The following GPR179 variants were observed in gnomAD, a reference collection of about 807,000 sequenced individuals.
GPR179 encodes the protein probable G protein-coupled receptor 179.
GPR179 carries 52 observed loss-of-function variants against 70.8 expected under a neutral mutation model. That is an observed-to-expected ratio of 0.73 (90% CI 0.59 to 0.93). The LOEUF (loss-of-function observed/expected upper bound fraction) is 0.93, where lower values mean the gene tolerates loss of function less well. Among genes scored for constraint, GPR179 ranks in the 40% least tolerant of loss-of-function variants. The probability of loss-of-function intolerance (pLI) is 0.00; values close to 1 mark genes in which losing one functional copy is unlikely to be tolerated. For missense variants in GPR179, 2,734 were observed against 2,966.8 expected, an observed-to-expected ratio of 0.92 and a Z score of 1.82; for synonymous variants, 1,123 against 1,169.0, an observed-to-expected ratio of 0.96 and a Z score of 0.80.
At chr17:38,335,449 A>G in intron 6 of GPR179, 142 bp downstream of exon 6, 1 of 766,306 alleles carries the variant, frequency 1.3e-6, no homozygotes, top group Non-Finnish European at 2.2e-6. Context: ...ATGGAAGACA[A>G]GGCTATGGTG....
chr17:38,333,119 A>T, intron 10 of GPR179, 132 bp downstream of exon 10: 1 of 755,414 alleles, frequency 1.3e-6, no homozygotes. Flanking sequence ...AGGCCAGTGG[A>T]GAAGGGAGAG....
Position 38,328,244 on chromosome 17 carries a change from A to G in GPR179, c.5325T>C (p.His1775=). 1 of 1,613,770 alleles carries G rather than the reference A, an allele frequency of 6.2e-7. No individual in the cohort carries two copies. The change falls in exon 11 of 11, where the codon CAT becomes CAC. Residue 1775 remains histidine, a synonymous_variant. Coordinates refer to ENST00000616987, the MANE Select transcript of GPR179 (RefSeq NM_001004334.4). ...GSVGPGACSQ[H]PGTLDADGPK... Reference sequence around the variant, plus strand: ...GTCCATCAGCATCTAGAGTACCTGGATGCTGAGAACAGGCCCCTGGACCCA... The same window carrying G: ...GTCCATCAGCATCTAGAGTACCTGGGTGCTGAGAACAGGCCCCTGGACCCA...
At chr17:38,335,857 T>C (rs1327276547) in intron 5 of GPR179, among the ~76,000 whole-genome samples, 157 bp from the exon 6 acceptor site, 3 of 152,182 alleles carry the variant, frequency 2.0e-5, no homozygotes, top group African/African-American at 7.2e-5. Flanking sequence ...AGAAGTTAGG[T>C]AACTTGCCCT....
chr17:38,326,987 C>T lies in GPR179; in HGVS notation c.6582G>A (p.Leu2194=), dbSNP rs1247837777. The T allele has an allele frequency of 1.2e-6, 2 of 1,614,138 alleles. No individual in the cohort carries two copies. The highest frequency in any genetic ancestry group is 8.5e-7 in the Non-Finnish European group (1 of 1,180,048). The stretch of plus-strand genomic sequence containing the variant: ...CTGGGTCCAGGGCACCTGACTGGGG[C>T]AAGAGCCCTCCTGAGCCTGTGCCTT... ...PGEGTGSGGL[L]PQSGALDPEL... The change falls in exon 11 of 11, where the codon TTG becomes TTA. Residue 2194 remains leucine (L), a synonymous_variant. Transcript: ENST00000616987.
At chr17:38,339,372 G>A (rs1463832627) in intron 2 of GPR179, 45 bp downstream of exon 2, 6 of 1,236,288 alleles carry the variant, frequency 4.9e-6, no homozygotes, top group East Asian at 2.4e-5. Context: ...GAAAAGGGGA[G>A]GGAGGCAGGA....
Position 38,330,173 on chromosome 17 carries a change from T to G in GPR179, c.3396A>C (p.Leu1132=). 6.4e-7 allele frequency: 1 copy of G among 1,574,120 alleles called. No individual in the cohort carries two copies. Among genetic ancestry groups the G allele is most frequent in the Middle Eastern group, 1.7e-4 (1 of 5,816 alleles). Residue 1132 remains leucine, a synonymous_variant, in exon 11 of 11, where the codon CTA becomes CTC. Transcript: ENST00000616987. ...SMGAPSRSPR[L]GRPKAVSKQA... ...GCTTACTCACCGCCTTGGGCCGGCC[T>G]AGCCTGGGCGATCGGGAGGGTGCCC...
intron 10 of GPR179, among the ~76,000 whole-genome samples, chr17:38,332,240 G>A (rs2037366426): frequency 6.6e-6 from 1 of 152,150 alleles, no homozygotes; most frequent in African/African-American, 2.4e-5. Context: ...TTGTGGGCCT[G>A]TAAACAAGTC....
chr17:38,335,818 A>G, intron 5 of GPR179, 118 bp from the exon 6 acceptor site: 1 of 720,808 alleles, frequency 1.4e-6, no homozygotes, highest in Admixed American at 2.2e-5. Context: ...CACCACCTTC[A>G]TTCTGCAGAG....
chr17:38,333,467 C>T (rs774762757), intron 9 of GPR179, 70 bp from the exon 10 acceptor site: 15 of 1,463,730 alleles, frequency 1.0e-5, no homozygotes, highest in Non-Finnish European at 1.3e-5. Flanking sequence ...ACTCACCTGC[C>T]CTGTGGAATG....
rs2037285556 is a variant in GPR179 at position 38,326,401 on chromosome 17, G to A, written c.*64C>T. The A allele has an allele frequency of 1.6e-6, 2 of 1,269,412 alleles. No individual in the cohort carries two copies. The highest frequency in any genetic ancestry group is 4.3e-5 in the Admixed American group (2 of 46,586). 78.6% of individuals were successfully genotyped at this position (1,269,412 alleles called of 1,614,324 possible). ...TTGATTCAGCTCTTTGGGAACACCT[G>A]GACTTGGAAAGGGCCTTGGCTCCTG... On this transcript the variant is annotated 3_prime_UTR_variant, in exon 11 of 11. Coordinates refer to ENST00000616987, the MANE Select transcript of GPR179 (RefSeq NM_001004334.4).
Position 38,328,262 on chromosome 17 carries a change from T to G in GPR179, c.5307A>C (p.Pro1769=). 6.2e-7 allele frequency: 1 copy of G among 1,613,916 alleles called. No homozygotes were observed. Among genetic ancestry groups the G allele is most frequent in the Non-Finnish European group, 8.5e-7 (1 of 1,180,028 alleles). Reference sequence around the variant, plus strand: ...TACCTGGATGCTGAGAACAGGCCCCTGGACCCACACTCCCCCAGGGACAAG... The same window carrying G: ...TACCTGGATGCTGAGAACAGGCCCCGGGACCCACACTCCCCCAGGGACAAG... ...EVACPWGSVG[P]GACSQHPGTL... is the part of the protein sequence containing the mutation. Residue 1769 remains proline, a synonymous_variant, in exon 11 of 11, where the codon CCA becomes CCC. Transcript: ENST00000616987.
chr17:38,339,574 G>A lies in GPR179; in HGVS notation c.795-49C>T, dbSNP rs764018026. 7 of 1,325,222 alleles carry A rather than the reference G, an allele frequency of 5.3e-6. No individual in the cohort carries two copies. The African/African-American group carries it at 5.8e-5, about 11-fold the overall frequency. 82.1% of individuals were successfully genotyped at this position (1,325,222 alleles called of 1,614,324 possible). ...GGGGCACAGTGATTGATGCCAAAGT[G>A]GACGTGTGTCCCTGGGCGTTGTTGG... On this transcript the variant is annotated intron_variant, in intron 1 of 10. Transcript: ENST00000616987.
At position 38,335,151 on chromosome 17, in the gene GPR179, G is replaced by A. The variant is rs764537462; in HGVS notation, c.1527C>T (p.Thr509=). Residue 509 remains threonine, a synonymous_variant, in exon 7 of 11, where the codon ACC becomes ACT. Transcript: ENST00000616987. The stretch of plus-strand genomic sequence containing the variant: ...GGATGCCTCGCTCCAGGGCGCCCAC[G>A]GTCCACACAGCCAGGAAGCCCAGCA... The part of the protein sequence containing the change: ...LPVLGFLAVW[T]VGALERGIQH... The A allele has an allele frequency of 1.4e-5, 22 of 1,588,630 alleles. No individual in the cohort carries two copies. The highest frequency in any genetic ancestry group is 1.7e-4 in the Middle Eastern group (1 of 6,046).
chr17:38,330,628 C>T lies in GPR179; in HGVS notation c.2941G>A (p.Val981Ile). ...AGTAAGTTGGGGCTTTGTGGGGATA[C>T]TGGGACTGGTGCCAGGGCAGGGGCT... is the stretch of plus-strand genomic sequence containing the variant. The part of the protein sequence containing the change: ...TPAPALAPVP[V>I]SPQSPNLLTY... Residue 981 changes from valine to isoleucine, a missense_variant, in exon 11 of 11, where the codon GTA becomes ATA. By Grantham distance (29) the Val-to-Ile change is conservative. Transcript: ENST00000616987. 3 of 1,585,052 alleles carry T rather than the reference C, an allele frequency of 1.9e-6. No homozygotes were observed. The highest frequency in any genetic ancestry group is 1.7e-6 in the Non-Finnish European group (2 of 1,165,250).
rs200666728 is a variant in GPR179 at position 38,328,744 on chromosome 17, G to A, written c.4825C>T (p.Gln1609Ter). 84 of 1,613,014 alleles carry A rather than the reference G, an allele frequency of 5.2e-5. No individual in the cohort carries two copies. The highest frequency in any genetic ancestry group is 4.2e-6 in the Non-Finnish European group (5 of 1,179,720). ...TGAGATTCTCCTCCTCTTGGCACCT[G>A]TGCTGATGTCCATTCCTCTCTTGTT... is the stretch of plus-strand genomic sequence containing the variant. ...ERTREEWTSA[Q>*]VPRGGESQKD... The change falls in exon 11 of 11, where the codon CAG becomes TAG. Residue 1609 changes from glutamine (Q) to a stop codon, truncating the protein, a stop_gained. Transcript: ENST00000616987. LOFTEE classifies it low-confidence loss of function (END_TRUNC).
Position 38,331,471 on chromosome 17 carries a change from T to A in GPR179, c.2098A>T (p.Asn700Tyr), listed in dbSNP as rs1457122535. 1.2e-6 allele frequency: 2 copies of A among 1,614,012 alleles called. No homozygotes were observed. The highest frequency in any genetic ancestry group is 2.2e-5 in the South Asian group (2 of 91,040). The change falls in exon 11 of 11, where the codon AAC becomes TAC. Residue 700 changes from asparagine (N) to tyrosine (Y), a missense_variant. Coordinates refer to ENST00000616987, the MANE Select transcript of GPR179 (RefSeq NM_001004334.4). ...EVHKTKEMAA[N>Y]NPHLPKKRGS... ...CGCTTCTTGGGCAGGTGGGGGTTGT[T>A]TGCGGCCATTTCCTTGGTTTTGTGG...
chr17:38,329,274 C>T lies in GPR179; in HGVS notation c.4295G>A (p.Ser1432Asn). 2 of 1,613,530 alleles carry T rather than the reference C, an allele frequency of 1.2e-6. No individual in the cohort carries two copies. The highest frequency in any genetic ancestry group is 1.7e-6 in the Non-Finnish European group (2 of 1,179,744). The change falls in exon 11 of 11, where the codon AGT becomes AAT. Residue 1432 changes from serine to asparagine, a missense_variant. Physicochemically the swap from Ser to Asn is conservative, Grantham distance 46. Coordinates refer to ENST00000616987, the MANE Select transcript of GPR179 (RefSeq NM_001004334.4). ...TGCTGAGGGGCCCCGGAAATCTGTACTCTCCCATGGACAAAGAGACTCCAA... is the reference window on the plus strand; with the variant it reads ...TGCTGAGGGGCCCCGGAAATCTGTATTCTCCCATGGACAAAGAGACTCCAA... ...GDLESLCPWE[S>N]TDFRGPSAVS...
Position 38,328,747 on chromosome 17 carries a change from C to G in GPR179, c.4822G>C (p.Ala1608Pro), listed in dbSNP as rs1187191616. The G allele has an allele frequency of 3.1e-6, 5 of 1,613,956 alleles. No homozygotes were observed. Among genetic ancestry groups the G allele is most frequent in the Non-Finnish European group, 3.4e-6 (4 of 1,180,002 alleles). ...GATTCTCCTCCTCTTGGCACCTGTG[C>G]TGATGTCCATTCCTCTCTTGTTCTT... ...NERTREEWTS[A>P]QVPRGGESQK... The change falls in exon 11 of 11, where the codon GCA (alanine) becomes CCA (proline). Residue 1608 changes from alanine to proline, a missense_variant. Ala to Pro is a conservative substitution (Grantham distance 27). Transcript: ENST00000616987.
Position 38,325,799 on chromosome 17 carries a change from G to A in GPR179, c.*666C>T, listed in dbSNP as rs1163091415. On this transcript the variant is annotated 3_prime_UTR_variant, in exon 11 of 11. Transcript: ENST00000616987. The stretch of plus-strand genomic sequence containing the variant: ...GATAAGGGTGTCAGCGTGCCTGATT[G>A]TTTCTGCTTCAGCAGTCAAGCAGGG... 1 of 152,430 alleles carries A rather than the reference G, an allele frequency of 6.6e-6. No homozygotes were observed. The highest frequency in any genetic ancestry group is 1.5e-5 in the Non-Finnish European group (1 of 68,064). The allele number at this position is 152,430 out of a possible 1,614,324, so 9.4% of individuals were successfully genotyped here.
Sources: gnomAD v4.1 joint callset for allele counts (sites outside exome capture counted in the v4.1 genomes callset) on GRCh38, gnomAD v4.1.1 for gene constraint, MANE v1.5 for transcripts, NCBI Gene and HGNC (gene_info 2026-07-23, HGNC 2026-07-21) for gene names.